The following APAF1 variants were observed in gnomAD, a reference collection of about 807,000 sequenced individuals.
APAF1 encodes the protein apoptotic peptidase activating factor 1, also known as apoptotic protease-activating factor 1.
Under a neutral mutation model 152.4 loss-of-function variants are expected in APAF1, and 91 were observed. The observed-to-expected ratio is 0.60, with a 90% CI of 0.50 to 0.71. The LOEUF is 0.71. Among genes scored for constraint, APAF1 ranks in the 30% least tolerant of loss-of-function variants. APAF1 has a pLI of 0.00. For synonymous variants in APAF1, 484 were observed against 494.1 expected (o/e 0.98, Z 0.27); for missense variants, 1,283 against 1,472.0 (o/e 0.87, Z 2.10).
rs1230383369 is a variant in APAF1 at position 98,735,380 on chromosome 12, T to C, written c.*2814T>C. 4 of 431,454 alleles carry C rather than the reference T, an allele frequency of 9.3e-6. No homozygotes were observed. The highest frequency in any genetic ancestry group is 7.9e-5 in the Admixed American group (2 of 25,456). The allele number at this position is 431,454 out of a possible 1,614,324, so 26.7% of individuals were successfully genotyped here. On this transcript the variant is annotated 3_prime_UTR_variant, in exon 27 of 27. Transcript: ENST00000551964. ...TTGCCTTGGTATACATTTTAAAATA[T>C]GAATTTAAAAAATTTTTGTAAAAAT...
intron 4 of APAF1, among the ~76,000 whole-genome samples, chr12:98,651,281 T>C (rs1291628913): frequency 6.6e-6 from 1 of 152,228 alleles, no homozygotes; most frequent in Non-Finnish European, 1.5e-5. Flanking sequence ...TATTCTTATT[T>C]CCTTTCCCCT....
intron 13 of APAF1, 80 bp downstream of exon 13, chr12:98,677,631 A>T (rs1328726301): frequency 6.4e-7 from 1 of 1,562,248 alleles, no homozygotes; most frequent in African/African-American, 1.4e-5. Context: ...AAATCCTAAA[A>T]TTCAAGAAAA....
intron 15 of APAF1, among the ~76,000 whole-genome samples, chr12:98,686,002 TCA>T (rs2097697655): frequency 6.6e-6 from 1 of 152,224 alleles, no homozygotes; most frequent in African/African-American, 2.4e-5. Flanking sequence ...AGCATGCATC[TCA>T]GAGATCTTAA....
chr12:98,673,511 T>G (rs1225819599), intron 12 of APAF1, among the ~76,000 whole-genome samples: 4 of 151,774 alleles, frequency 2.6e-5, no homozygotes, highest in African/African-American at 7.3e-5. Context: ...TTTCCATATG[T>G]CATGCTTCCC....
At chr12:98,723,575 T>C (rs1427878696) in intron 23 of APAF1, 64 bp from the exon 24 acceptor site, 2 of 1,442,020 alleles carry the variant, frequency 1.4e-6, no homozygotes, top group African/African-American at 2.8e-5. Flanking sequence ...TAGCTGATTA[T>C]GCTTTTTAAT....
rs371633206 is a variant in APAF1 at position 98,666,352 on chromosome 12, C to T, written c.1357C>T (p.Leu453Phe). ...TCTTACAGAGAAGAATTGCAGCCAGCTTCAGGTACTTGCATCTTGGTTTAC... is the reference window on the plus strand; with the variant it reads ...TCTTACAGAGAAGAATTGCAGCCAGTTTCAGGTACTTGCATCTTGGTTTAC... ...DFLTEKNCSQ[L>F]QDLHKKIITQ... The change falls in exon 9 of 27, where the codon CTT becomes TTT. Residue 453 changes from leucine to phenylalanine, a missense_variant. Physicochemically the swap from Leu to Phe is conservative, Grantham distance 22 (BLOSUM62 0). Transcript: ENST00000551964. The T allele has an allele frequency of 1.4e-4, 224 of 1,611,522 alleles. No individual in the cohort carries two copies. Among genetic ancestry groups the T allele is most frequent in the Non-Finnish European group, 1.8e-4 (218 of 1,179,366 alleles).
rs374092603 is a variant in APAF1, at chr12:98,675,230, T to C, written c.1794-2195T>C. On this transcript the variant is annotated intron_variant, in intron 12 of 26. Coordinates refer to ENST00000551964, the MANE Select transcript of APAF1 (RefSeq NM_181861.2). ...CTTAAATTTAATTGAGTTTCTGTTT[T>C]CAATGAAATTATTTATTCACTCATT... Among the ~76,000 whole-genome samples, 8 of 152,336 alleles carry C rather than the reference T, an allele frequency of 5.3e-5. 1 individual carries two copies. The highest frequency in any genetic ancestry group is 1.9e-4 in the East Asian group (1 of 5,192).
rs372234984 is a variant in APAF1, at chr12:98,686,803, C to T, written c.2234C>T (p.Ser745Leu). The change falls in exon 16 of 27, where the codon TCA becomes TTA. Residue 745 changes from serine to leucine, a missense_variant. Physicochemically the swap from Ser to Leu is moderately radical, Grantham distance 145 (BLOSUM62 -2). Transcript: ENST00000551964. ...CRNTMFGHTN[S>L]VNHCRFSPDD... ...AATACCATGTTTGGTCATACAAATT[C>T]AGTCAATCACTGCAGATTTTCACCA... 10 of 1,613,590 alleles carry T rather than the reference C, an allele frequency of 6.2e-6. No individual in the cohort carries two copies. Among genetic ancestry groups the T allele is most frequent in the Non-Finnish European group, 8.5e-6 (10 of 1,179,776 alleles).
At chr12:98,689,049 G>C (rs1019438452) in intron 16 of APAF1, among the ~76,000 whole-genome samples, 2 of 151,902 alleles carry the variant, frequency 1.3e-5, no homozygotes, top group African/African-American at 4.8e-5. Context: ...TCCTGGGCTC[G>C]AGTAGTCTGC....
rs914899103 is a variant in APAF1, at chr12:98,667,415, C to T, written c.1363-98C>T. 4.7e-6 allele frequency: 7 copies of T among 1,480,544 alleles called. No homozygotes were observed. The Admixed American group carries it at 8.4e-5, about 18-fold the overall frequency. The allele number at this position is 1,480,544 out of a possible 1,614,324, so 91.7% of individuals were successfully genotyped here. ...ACAGGCGTGAGCCACCGAGCCCGGCCTCTCTGTACATTCTTAATAGCTTTG... is the reference window on the plus strand; with the variant it reads ...ACAGGCGTGAGCCACCGAGCCCGGCTTCTCTGTACATTCTTAATAGCTTTG... On this transcript the variant is annotated intron_variant, in intron 9 of 26. Transcript: ENST00000551964.
At chr12:98,680,935 G>T (rs1303268746) in intron 14 of APAF1, among the ~76,000 whole-genome samples, 2 of 152,168 alleles carry the variant, frequency 1.3e-5, no homozygotes, top group Non-Finnish European at 2.9e-5. Flanking sequence ...ATTTTAAAAT[G>T]CAACCCCAAT....
At chr12:98,667,083 G>A (rs1035154169) in intron 9 of APAF1, among the ~76,000 whole-genome samples, 1 of 150,628 alleles carries the variant, frequency 6.6e-6, no homozygotes, top group Non-Finnish European at 1.5e-5. Flanking sequence ...TCATTATTTT[G>A]TGGGGAGATT....
intron 10 of APAF1, among the ~76,000 whole-genome samples, chr12:98,669,200 A>C (rs562876662): frequency 1.3e-5 from 2 of 152,268 alleles, no homozygotes; most frequent in African/African-American, 4.8e-5. Flanking sequence ...GGTCCTTATG[A>C]TGTAATGAGC....
At chr12:98,724,318 T>TTCC (rs1269821381) in intron 24 of APAF1, among the ~76,000 whole-genome samples, 4 of 151,110 alleles carry the variant, frequency 2.6e-5, no homozygotes, top group Non-Finnish European at 5.9e-5. Context: ...AGAGCATGCT[T>TTCC]TCCTCCTCCT....
At chr12:98,650,017 A>G (rs1018324929) in intron 4 of APAF1, among the ~76,000 whole-genome samples, 10 of 152,234 alleles carry the variant, frequency 6.6e-5, no homozygotes, top group Non-Finnish European at 1.2e-4. Flanking sequence ...AAATGTTGGC[A>G]GGTATACCAC....
intron 18 of APAF1, 38 bp from the exon 19 acceptor site, chr12:98,706,432 CTCTTCAAAATGCTTA>C: frequency 1.9e-6 from 3 of 1,600,592 alleles, no homozygotes; most frequent in Non-Finnish European, 2.6e-6. Flanking sequence ...TATTTTTGCT[CTCTTCAAAATGCTTA>C]TGTATGTGAT....
At chr12:98,686,932 T>G in intron 16 of APAF1, 59 bp downstream of exon 16, 1 of 1,547,800 alleles carries the variant, frequency 6.5e-7, no homozygotes, top group Admixed American at 1.7e-5. Flanking sequence ...TATGATTTGA[T>G]TATAGAAATA....
intron 8 of APAF1, 86 bp from the exon 9 acceptor site, chr12:98,666,104 C>T (rs755205027): frequency 9.4e-6 from 12 of 1,280,592 alleles, no homozygotes; most frequent in East Asian, 2.3e-5. Flanking sequence ...TTTAAGATAC[C>T]GTTTTTTTGT....
At chr12:98,683,469 G>C (rs2097694671) in intron 15 of APAF1, among the ~76,000 whole-genome samples, 195 bp downstream of exon 15, 1 of 152,156 alleles carries the variant, frequency 6.6e-6, no homozygotes, top group South Asian at 2.1e-4. Context: ...AGTCTAGAGG[G>C]AGCATGGCTT....
Sources: gnomAD v4.1 joint callset for allele counts (sites outside exome capture counted in the v4.1 genomes callset) on GRCh38, gnomAD v4.1.1 for gene constraint, MANE v1.5 for transcripts, NCBI Gene and HGNC (gene_info 2026-07-23, HGNC 2026-07-21) for gene names.